SKAP2: variants seen among roughly 807,000 people sequenced by gnomAD.
SKAP2 encodes src kinase-associated phosphoprotein 2.
SKAP2 carries 28 observed loss-of-function variants against 54.9 expected under a neutral mutation model. The observed-to-expected ratio is 0.51, with a 90% confidence interval of 0.38 to 0.70. SKAP2 has a LOEUF of 0.70. Ranked by LOEUF, SKAP2 falls within the 30% of genes least tolerant of loss-of-function variation. The pLI is 0.00. For synonymous variants in SKAP2, 137 were observed against 134.3 expected, an observed-to-expected ratio of 1.02 and a Z score of -0.14; for missense variants, 356 against 424.1, an observed-to-expected ratio of 0.84 and a Z score of 1.41.
chr7:26,673,368 A>G (rs932593610), intron 11 of SKAP2, among the ~76,000 whole-genome samples: 1 of 152,104 alleles, frequency 6.6e-6, no homozygotes, highest in African/African-American at 2.4e-5. Flanking sequence ...TAGTCAATTT[A>G]TAAGAAATAT....
intron 4 of SKAP2, among the ~76,000 whole-genome samples, chr7:26,820,924 T>C (rs1366281806): frequency 6.6e-6 from 1 of 152,170 alleles, no homozygotes. Context: ...TACCTATCCC[T>C]ACTACAATCT....
chr7:26,758,608 C>T (rs947631721), intron 4 of SKAP2, among the ~76,000 whole-genome samples: 2 of 152,132 alleles, frequency 1.3e-5, no homozygotes, highest in Non-Finnish European at 2.9e-5. Context: ...GCCTAGAAAG[C>T]TTTCAGCTTA....
intron 9 of SKAP2, among the ~76,000 whole-genome samples, chr7:26,723,142 TGAAA>T (rs970988319): frequency 2.6e-5 from 4 of 152,214 alleles, no homozygotes; most frequent in Non-Finnish European, 4.4e-5. Context: ...ATTCTTGTCC[TGAAA>T]GAGAGACAAT....
intron 4 of SKAP2, among the ~76,000 whole-genome samples, chr7:26,772,218 A>T (rs1783203316): frequency 6.6e-6 from 1 of 152,196 alleles, no homozygotes; most frequent in African/African-American, 2.4e-5. Flanking sequence ...TTTGGTGTGC[A>T]GCACTTTGTT....
chr7:26,856,297 G>A (rs1044848639), intron 1 of SKAP2, among the ~76,000 whole-genome samples: 1 of 152,022 alleles, frequency 6.6e-6, no homozygotes, highest in African/African-American at 2.4e-5. Flanking sequence ...CTTTCCTTGA[G>A]TTATATTAAC....
At chr7:26,777,208 C>T (rs1257847805) in intron 4 of SKAP2, among the ~76,000 whole-genome samples, 1 of 152,096 alleles carries the variant, frequency 6.6e-6, no homozygotes, top group East Asian at 1.9e-4. Context: ...GTTTCTTCAA[C>T]TCCAGAGGAT....
chr7:26,694,685 C>T (rs538505124), intron 9 of SKAP2, among the ~76,000 whole-genome samples: 1 of 151,610 alleles, frequency 6.6e-6, no homozygotes, highest in East Asian at 1.9e-4. Context: ...ACTGCACCCA[C>T]CCCTCTTTTT....
rs531626028 is a variant in SKAP2, at chr7:26,676,518, C to T, written c.988-6326G>A. On this transcript the variant is annotated intron_variant, in intron 11 of 12. Coordinates refer to ENST00000345317, the MANE Select transcript of SKAP2 (RefSeq NM_003930.5). ...TTTCTTTTTCCCTTATTATGTTGAG[C>T]CTCGATTTCTTTACCTATAAAGTGA... 3.9e-5 allele frequency among the ~76,000 whole-genome samples: 6 copies of T among 152,200 alleles called. No individual in the cohort carries two copies. The South Asian group carries it at 1.2e-3, about 32-fold the overall frequency.
intron 9 of SKAP2, among the ~76,000 whole-genome samples, chr7:26,722,870 C>A (rs1415329761): frequency 6.6e-6 from 1 of 152,156 alleles, no homozygotes; most frequent in African/African-American, 2.4e-5. Flanking sequence ...GCTTAGATTT[C>A]TCTTCAAATA....
At chr7:26,691,227 T>G (rs574305693) in intron 9 of SKAP2, among the ~76,000 whole-genome samples, 46 of 152,246 alleles carry the variant, frequency 3.0e-4, no homozygotes, top group Middle Eastern at 3.4e-3. Flanking sequence ...CTTCCCCAAA[T>G]TATGCAAAGA....
At chr7:26,852,253 T>C (rs1349049650) in intron 3 of SKAP2, among the ~76,000 whole-genome samples, 1 of 152,174 alleles carries the variant, frequency 6.6e-6, no homozygotes, top group Non-Finnish European at 1.5e-5. Flanking sequence ...GAAAATAAAT[T>C]CCTATTTTTA....
chr7:26,833,033 T>C (rs10486480), intron 4 of SKAP2, among the ~76,000 whole-genome samples: 12,448 of 152,136 alleles, frequency 0.082, 597 homozygotes, highest in Middle Eastern at 0.16. Flanking sequence ...GCCTTCTCCA[T>C]GAGCATTGCA....
chr7:26,693,997 C>T (rs1584335159), intron 9 of SKAP2, among the ~76,000 whole-genome samples: 1 of 152,118 alleles, frequency 6.6e-6, no homozygotes, highest in Admixed American at 6.5e-5. Context: ...TAAATCTTAA[C>T]ATATTCATTT....
At chr7:26,851,424 G>A (rs1785040382) in intron 3 of SKAP2, among the ~76,000 whole-genome samples, 1 of 152,000 alleles carries the variant, frequency 6.6e-6, no homozygotes. Flanking sequence ...AGCCTGAGAC[G>A]CAGAGTGAGA....
At chr7:26,716,544 T>C (rs143186036) in intron 9 of SKAP2, among the ~76,000 whole-genome samples, 7 of 152,350 alleles carry the variant, frequency 4.6e-5, no homozygotes, top group African/African-American at 1.7e-4. Context: ...TTTAAAAATG[T>C]CTAATGCAAA....
At chr7:26,751,741 C>T (rs1041956138) in intron 4 of SKAP2, among the ~76,000 whole-genome samples, 1 of 152,182 alleles carries the variant, frequency 6.6e-6, no homozygotes, top group Non-Finnish European at 1.5e-5. Context: ...GAAATTCATA[C>T]ATTCTTATCT....
At chr7:26,852,649 T>C (rs997174656) in intron 3 of SKAP2, among the ~76,000 whole-genome samples, 3 of 152,200 alleles carry the variant, frequency 2.0e-5, no homozygotes, top group African/African-American at 7.2e-5. Flanking sequence ...ATCTCAGTAA[T>C]GTAATTTTAA....
chr7:26,855,673 A>C (rs1447815127), intron 1 of SKAP2, among the ~76,000 whole-genome samples: 1 of 152,100 alleles, frequency 6.6e-6, no homozygotes, highest in East Asian at 1.9e-4. Flanking sequence ...AATTTTAGTA[A>C]ACTTCTAAAT....
rs540435590 is a variant in SKAP2 at position 26,732,272 on chromosome 7, C to T, written c.470-5266G>A. Among the ~76,000 whole-genome samples, 4 of 152,280 alleles carry T rather than the reference C, an allele frequency of 2.6e-5. No individual in the cohort carries two copies. In the South Asian group the frequency reaches 6.2e-4, roughly 24 times the overall value. On this transcript the variant is annotated intron_variant, in intron 6 of 12. Coordinates refer to ENST00000345317, the MANE Select transcript of SKAP2 (RefSeq NM_003930.5). ...GCACTCACTGATTGATGGCAGTGCACAGTGGCAACATCACATGTCCTGGCT... is the reference window on the plus strand; with the variant it reads ...GCACTCACTGATTGATGGCAGTGCATAGTGGCAACATCACATGTCCTGGCT...
Sources: allele counts gnomAD v4.1 joint callset (sites outside exome capture counted in the v4.1 genomes callset), GRCh38; gene constraint gnomAD v4.1.1; transcripts MANE v1.5; gene names NCBI Gene and HGNC (gene_info 2026-07-23, HGNC 2026-07-21).